The following SETDB1 variants were observed in gnomAD, a reference collection of about 807,000 sequenced individuals.
SETDB1 encodes SET domain bifurcated histone lysine methyltransferase 1.
A neutral mutation model predicts 137.4 loss-of-function variants in SETDB1; 31 were observed. The ratio of observed to expected loss-of-function variants is 0.23; its 90% CI spans 0.17 to 0.30. The LOEUF is 0.30. Ranked by LOEUF, SETDB1 falls within the 10% of genes least tolerant of loss-of-function variation. The pLI, the probability that SETDB1 is intolerant of heterozygous loss-of-function variation, is 1.00. For synonymous variants in SETDB1, 548 were observed against 579.9 expected (o/e 0.95, Z 0.79); for missense variants, 1,113 against 1,631.5 (o/e 0.68, Z 5.47).
At position 150,947,029 on chromosome 1, in the gene SETDB1, T is replaced by G. The variant is rs1416112160; in HGVS notation, c.1267+17T>G. ...CAAATATGGGTATGTCCTGAAAGAT[T>G]CCTGGAGGAAGGAAGAAACAGGCCA... is the stretch of plus-strand genomic sequence containing the variant. On this transcript the variant is annotated intron_variant, in intron 10 of 21. Coordinates refer to ENST00000692827, the MANE Select transcript of SETDB1 (RefSeq NM_001366418.1). 1.2e-6 allele frequency: 2 copies of G among 1,613,060 alleles called. No homozygotes were observed. Among genetic ancestry groups the G allele is most frequent in the African/African-American group, 2.7e-5 (2 of 74,874 alleles).
At chr1:150,953,524 C>G (rs1328568352) in intron 14 of SETDB1, among the ~76,000 whole-genome samples, 3 of 126,200 alleles carry the variant, frequency 2.4e-5, no homozygotes, top group Non-Finnish European at 5.1e-5. Flanking sequence ...AAAATTCTAT[C>G]TCAAAAAAAA....
chr1:150,960,854 C>T lies in SETDB1; in HGVS notation c.2795C>T (p.Thr932Ile), dbSNP rs368667569. The change falls in exon 16 of 22, where the codon ACC becomes ATC. Residue 932 changes from threonine to isoleucine, a missense_variant. This residue lies in a region of SETDB1 where 373 missense variants were observed against 412.7 expected (regional missense o/e 0.90). Transcript: ENST00000692827. Reference sequence around the variant, plus strand: ...CGGAGCTATGCTACCCGGAGGCAGACCCGGGGCCAGAAAGAGAACGGACTC... The same window carrying T: ...CGGAGCTATGCTACCCGGAGGCAGATCCGGGGCCAGAAAGAGAACGGACTC... ...VWRSYATRRQ[T>I]RGQKENGLSE... 6.2e-7 allele frequency: 1 copy of T among 1,605,294 alleles called. No homozygotes were observed. Among genetic ancestry groups the T allele is most frequent in the Non-Finnish European group, 8.5e-7 (1 of 1,175,446 alleles).
chr1:150,964,691 A>C lies in SETDB1; in HGVS notation c.*327A>C. 1 of 591,186 alleles carries C rather than the reference A, an allele frequency of 1.7e-6. No homozygotes were observed. The allele number at this position is 591,186 out of a possible 1,614,324, so 36.6% of individuals were successfully genotyped here. On this transcript the variant is annotated 3_prime_UTR_variant, in exon 22 of 22. Coordinates refer to ENST00000692827, the MANE Select transcript of SETDB1 (RefSeq NM_001366418.1). ...TGGAGCCTGTGTATCTACTATCTCCAGTTTGTATTATTTCTTGAAAGTCTT... is the reference window on the plus strand; with the variant it reads ...TGGAGCCTGTGTATCTACTATCTCCCGTTTGTATTATTTCTTGAAAGTCTT...
chr1:150,926,672 C>T (rs1669530872), intron 1 of SETDB1, 155 bp downstream of exon 1: 2 of 513,976 alleles, frequency 3.9e-6, no homozygotes, highest in African/African-American at 3.9e-5. Flanking sequence ...GGACGCACCC[C>T]TAGAATGGGT....
intron 3 of SETDB1, among the ~76,000 whole-genome samples, chr1:150,933,475 C>G (rs941635145): frequency 6.7e-6 from 1 of 149,548 alleles, no homozygotes; most frequent in South Asian, 2.1e-4. Context: ...CTCCTGGGTT[C>G]AAGCAATTCT....
chr1:150,931,571 C>A (rs1462855732), intron 3 of SETDB1, among the ~76,000 whole-genome samples: 1 of 149,292 alleles, frequency 6.7e-6, no homozygotes, highest in African/African-American at 2.5e-5. Context: ...TGTAACTAAC[C>A]TGCACAATGT....
At chr1:150,951,113 T>G in intron 13 of SETDB1, 23 bp downstream of exon 13, 1 of 1,589,574 alleles carries the variant, frequency 6.3e-7, no homozygotes, top group African/African-American at 1.3e-5. Flanking sequence ...GGGGAATTGC[T>G]GCCCCTGCTT....
intron 12 of SETDB1, among the ~76,000 whole-genome samples, 184 bp downstream of exon 12, chr1:150,949,709 A>G (rs1670441340): frequency 6.6e-6 from 1 of 152,190 alleles, no homozygotes; most frequent in Non-Finnish European, 1.5e-5. Context: ...ATTGAATTGG[A>G]AGCTGGGTGC....
intron 3 of SETDB1, among the ~76,000 whole-genome samples, chr1:150,935,165 T>G (rs917078117): frequency 2.0e-5 from 3 of 152,248 alleles, no homozygotes; most frequent in African/African-American, 7.2e-5. Context: ...TTTCTTTCAG[T>G]ACTTCAAATA....
At chr1:150,938,561 G>A (rs886485317) in intron 3 of SETDB1, among the ~76,000 whole-genome samples, 2 of 151,768 alleles carry the variant, frequency 1.3e-5, no homozygotes, top group African/African-American at 2.4e-5. Flanking sequence ...GCAGTGGCAC[G>A]ATCTCAGCTC....
intron 12 of SETDB1, 86 bp downstream of exon 12, chr1:150,949,611 C>A: frequency 8.1e-7 from 1 of 1,241,926 alleles, no homozygotes; most frequent in Non-Finnish European, 1.1e-6. Flanking sequence ...AAGCGAAGGG[C>A]TTAGTTTAAG....
In SETDB1 at chr1:150,942,909, G is replaced by A. The variant is rs765062587; in HGVS notation, c.731G>A (p.Gly244Glu). The change falls in exon 7 of 22, where the codon GGG becomes GAG. Residue 244 changes from glycine to glutamate, a missense_variant. This residue lies in a region of SETDB1 where 154 missense variants were observed against 303.1 expected (regional missense o/e 0.51). Coordinates refer to ENST00000692827, the MANE Select transcript of SETDB1 (RefSeq NM_001366418.1). ...FDNKGKSLLS[G>E]NHIAYDYHPP... ...AACAAAGGAAAGAGTCTACTGTCGG[G>A]GAACCATATTGCCTATGATTACCAC... is the stretch of plus-strand genomic sequence containing the variant. The A allele has an allele frequency of 6.2e-7, 1 of 1,614,098 alleles. No individual in the cohort carries two copies. The highest frequency in any genetic ancestry group is 1.1e-5 in the South Asian group (1 of 91,082).
chr1:150,940,802 A>G (rs1179328688), intron 4 of SETDB1, among the ~76,000 whole-genome samples: 1 of 152,014 alleles, frequency 6.6e-6, no homozygotes, highest in African/African-American at 2.4e-5. Context: ...GTTTGAGACC[A>G]GCCTGGCTAA....
Position 150,950,233 on chromosome 1 carries a change from C to CA in SETDB1, c.1584-214dup, listed in dbSNP as rs369383748. 1.4e-3 allele frequency among the ~76,000 whole-genome samples: 200 copies of CA among 139,434 alleles called. 1 individual carries two copies. Among genetic ancestry groups the CA allele is most frequent in the Middle Eastern group, 0.011 (3 of 276 alleles). The allele number at this position is 139,434 out of a possible 152,430, so 91.5% of individuals were successfully genotyped here. On this transcript the variant is annotated intron_variant, in intron 12 of 21. Coordinates refer to ENST00000692827, the MANE Select transcript of SETDB1 (RefSeq NM_001366418.1). ...TAGGCAAAAAGAGCGAAACTTGTCT[C>CA]AAAAAAAAAAAGAGAAATAGAGATG...
intron 16 of SETDB1, 59 bp from the exon 17 acceptor site, chr1:150,962,071 T>TA: frequency 6.2e-7 from 1 of 1,606,932 alleles, no homozygotes; most frequent in East Asian, 2.2e-5. Context: ...GAAGTCTGAT[T>TA]ATTGGACTTG....
At chr1:150,955,751 C>T (rs1195514772) in intron 14 of SETDB1, among the ~76,000 whole-genome samples, 1 of 152,088 alleles carries the variant, frequency 6.6e-6, no homozygotes, top group African/African-American at 2.4e-5. Context: ...GTCTCTTTGT[C>T]TTGCTAACCA....
At chr1:150,957,705 T>G (rs931433536) in intron 14 of SETDB1, among the ~76,000 whole-genome samples, 4 of 152,152 alleles carry the variant, frequency 2.6e-5, no homozygotes, top group African/African-American at 9.7e-5. Context: ...TAATTAAAAT[T>G]TTTTTCTTTT....
chr1:150,944,181 C>T (rs2271076), intron 8 of SETDB1, among the ~76,000 whole-genome samples, 188 bp downstream of exon 8: 66,613 of 151,956 alleles, frequency 0.44, 15,266 homozygotes, highest in African/African-American at 0.55. Context: ...TGTTCATCTC[C>T]AGGACTGGGT....
At position 150,950,716 on chromosome 1, in the gene SETDB1, C is replaced by T. The variant is rs1272787679; in HGVS notation, c.1842C>T (p.Ala614=). The change falls in exon 13 of 22, where the codon GCC becomes GCT. Residue 614 remains alanine, a synonymous_variant. Coordinates refer to ENST00000692827, the MANE Select transcript of SETDB1 (RefSeq NM_001366418.1). ...PLLYDFRRMT[A]RRRVNRKMGF... is the part of the protein sequence containing the mutation. ...TATATGACTTCCGGCGGATGACAGC[C>T]CGGCGTCGAGTTAACCGCAAGATGG... The T allele has an allele frequency of 3.7e-6, 6 of 1,614,106 alleles. No individual in the cohort carries two copies. Among genetic ancestry groups the T allele is most frequent in the Non-Finnish European group, 5.1e-6 (6 of 1,180,054 alleles).
Sources: allele counts gnomAD v4.1 joint callset (sites outside exome capture counted in the v4.1 genomes callset), GRCh38; gene constraint gnomAD v4.1.1; regional missense constraint gnomAD v4.1.1; transcripts MANE v1.5; gene names NCBI Gene and HGNC (gene_info 2026-07-23, HGNC 2026-07-21).